Variants in PTCHD4 observed in about 807,000 individuals in gnomAD.
The protein encoded by PTCHD4 is patched domain containing 4, also known as patched domain-containing protein 4.
In PTCHD4, 33 loss-of-function variants were observed where a neutral mutation model predicts 58.1. The ratio of observed to expected loss-of-function variants is 0.57; its 90% confidence interval spans 0.43 to 0.76. The LOEUF (loss-of-function observed/expected upper bound fraction) is 0.76, where lower values mean the gene tolerates loss of function less well. Among genes scored for constraint, PTCHD4 ranks in the 30% least tolerant of loss-of-function variants. PTCHD4 has a pLI of 0.00. For synonymous variants in PTCHD4, 478 were observed against 409.6 expected (o/e 1.17, Z -2.02); for missense variants, 1,058 against 1,027.1 (o/e 1.03, Z -0.41).
chr6:47,878,822 C>A lies in PTCHD4; in HGVS notation c.2013G>T (p.Leu671=), dbSNP rs758403554. Residue 671 remains leucine (L), a synonymous_variant, in exon 5 of 5, where the codon CTG becomes CTT. Transcript: ENST00000339488. ...AGFGVLLVLI[L]TFFLVIHPLG... ...GAGGGTGGATCACTAGGAAAAAAGT[C>A]AGGATTAACACCAGGAGAACACCAA... 6.2e-7 allele frequency: 1 copy of A among 1,613,492 alleles called. No homozygotes were observed. Among genetic ancestry groups the A allele is most frequent in the African/African-American group, 1.3e-5 (1 of 74,868 alleles).
At chr6:48,004,004 A>G (rs1366861469) in intron 4 of PTCHD4, among the ~76,000 whole-genome samples, 4 of 151,982 alleles carry the variant, frequency 2.6e-5, no homozygotes, top group African/African-American at 9.7e-5. Flanking sequence ...TATTTGTTTT[A>G]TTTATATCAC....
chr6:48,023,510 C>G (rs992621522), intron 3 of PTCHD4, among the ~76,000 whole-genome samples: 1 of 152,262 alleles, frequency 6.6e-6, no homozygotes, highest in African/African-American at 2.4e-5. Flanking sequence ...TAACTGCCAC[C>G]ACTACATAAG....
At chr6:48,104,522 G>A (rs1017934369) in intron 1 of PTCHD4, among the ~76,000 whole-genome samples, 16 of 152,196 alleles carry the variant, frequency 1.1e-4, no homozygotes, top group African/African-American at 3.6e-4. Context: ...GACCATCAAG[G>A]CTAGGAAGAA....
At chr6:48,016,842 AT>A in intron 3 of PTCHD4, among the ~76,000 whole-genome samples, 1 of 150,592 alleles carries the variant, frequency 6.6e-6, no homozygotes, top group Admixed American at 6.6e-5. Context: ...AAATTACTTG[AT>A]GATGGTTTGA....
chr6:48,090,044 C>A lies in PTCHD4; in HGVS notation c.-969-20118G>T, dbSNP rs141799756. 4.7e-3 allele frequency among the ~76,000 whole-genome samples: 717 copies of A among 152,212 alleles called. 1 individual carries two copies. Among genetic ancestry groups the A allele is most frequent in the South Asian group, 0.02 (97 of 4,826 alleles). ...ATTTCTCCAGTTTCAGTCCTTATCACTAGATGTAGACTATGCAATATATAT... is the reference window on the plus strand; with the variant it reads ...ATTTCTCCAGTTTCAGTCCTTATCAATAGATGTAGACTATGCAATATATAT... On this transcript the variant is annotated intron_variant, in intron 1 of 4. Transcript: ENST00000339488.
Position 48,055,708 on chromosome 6 carries a change from A to G in PTCHD4, c.417+12522T>C, listed in dbSNP as rs151290374. ...TATGCTCTATCTATAAAAGGGGGTC[A>G]TTAAACTAGTTCAAACCCTGAGCTT... On this transcript the variant is annotated intron_variant, in intron 3 of 4. Coordinates refer to ENST00000339488, the MANE Select transcript of PTCHD4 (RefSeq NM_001384253.1). Among the ~76,000 whole-genome samples the G allele has an allele frequency of 1.5e-4, 23 of 152,364 alleles. No individual in the cohort carries two copies. The East Asian group carries it at 4.4e-3, about 29-fold the overall frequency.
chr6:47,992,910 G>A (rs978549919), intron 4 of PTCHD4, among the ~76,000 whole-genome samples: 1 of 152,140 alleles, frequency 6.6e-6, no homozygotes, highest in Non-Finnish European at 1.5e-5. Flanking sequence ...CATTGTATGA[G>A]ATACAGATAC....
chr6:48,041,685 G>A (rs1763853674), intron 3 of PTCHD4, among the ~76,000 whole-genome samples: 1 of 151,910 alleles, frequency 6.6e-6, no homozygotes, highest in South Asian at 2.1e-4. Flanking sequence ...AAAACTAGTA[G>A]CCCCCTTACT....
intron 3 of PTCHD4, among the ~76,000 whole-genome samples, chr6:48,014,897 G>A (rs931468043): frequency 6.6e-6 from 1 of 152,126 alleles, no homozygotes; most frequent in Non-Finnish European, 1.5e-5. Flanking sequence ...TCCTAGGGGA[G>A]CGATTTCAGG....
At chr6:47,966,659 T>C (rs2113979566) in intron 4 of PTCHD4, among the ~76,000 whole-genome samples, 1 of 152,342 alleles carries the variant, frequency 6.6e-6, no homozygotes. Context: ...ATTTATGTAA[T>C]ATTCTAAATC....
At chr6:48,030,933 A>G (rs77685218) in intron 3 of PTCHD4, among the ~76,000 whole-genome samples, 3,607 of 152,204 alleles carry the variant, frequency 0.024, 124 homozygotes, top group African/African-American at 0.074. Context: ...CCAAAAGGTG[A>G]CTCAGAAAGT....
chr6:47,934,228 C>T (rs945640881), intron 4 of PTCHD4, among the ~76,000 whole-genome samples: 1 of 152,086 alleles, frequency 6.6e-6, no homozygotes, highest in Non-Finnish European at 1.5e-5. Flanking sequence ...TGGATTCAAG[C>T]TGCAGGCGGG....
At chr6:47,981,082 T>C (rs1330357617) in intron 4 of PTCHD4, among the ~76,000 whole-genome samples, 1 of 152,162 alleles carries the variant, frequency 6.6e-6, no homozygotes, top group Admixed American at 6.5e-5. Flanking sequence ...ATCACCTGTC[T>C]TTAGCCTTCA....
Position 47,872,320 on chromosome 6 carries a change from T to A in PTCHD4, c.*5983A>T, listed in dbSNP as rs1763735337. ...TTCTTCAATGCAGTCTTCCAAAGCA[T>A]TAGAATTTTTTTCCCCCTCTGGTTT... is the stretch of plus-strand genomic sequence containing the variant. On this transcript the variant is annotated 3_prime_UTR_variant, in exon 5 of 5. Coordinates refer to ENST00000339488, the MANE Select transcript of PTCHD4 (RefSeq NM_001384253.1). Among the ~76,000 whole-genome samples the A allele has an allele frequency of 6.6e-6, 1 of 151,686 alleles. No homozygotes were observed. The highest frequency in any genetic ancestry group is 2.4e-5 in the African/African-American group (1 of 41,376).
In PTCHD4 at chr6:47,967,483, A is replaced by T. The variant is rs1437740540; in HGVS notation, c.898+41151T>A. Among the ~76,000 whole-genome samples the T allele has an allele frequency of 2.0e-5, 3 of 152,210 alleles. No individual in the cohort carries two copies. In the East Asian group the frequency reaches 5.8e-4, roughly 29 times the overall value. On this transcript the variant is annotated intron_variant, in intron 4 of 4. Coordinates refer to ENST00000339488, the MANE Select transcript of PTCHD4 (RefSeq NM_001384253.1). ...AAAGTCACCAGCAATATCAGCCCTT[A>T]ACACGAGTCAGCCCATCCTTTGAAG...
chr6:47,975,383 C>G (rs1057053862), intron 4 of PTCHD4, among the ~76,000 whole-genome samples: 2 of 151,894 alleles, frequency 1.3e-5, no homozygotes, highest in Non-Finnish European at 2.9e-5. Context: ...TCCTAATCTT[C>G]TTTTTTTTAC....
chr6:48,054,241 T>C (rs1168073071), intron 3 of PTCHD4, among the ~76,000 whole-genome samples: 1 of 152,126 alleles, frequency 6.6e-6, no homozygotes, highest in Non-Finnish European at 1.5e-5. Flanking sequence ...TACTTAGTAA[T>C]AGGATAAGCC....
At chr6:48,110,229 T>C (rs1429966181) in intron 1 of PTCHD4, among the ~76,000 whole-genome samples, 1 of 152,182 alleles carries the variant, frequency 6.6e-6, no homozygotes, top group African/African-American at 2.4e-5. Context: ...AACACATGAA[T>C]GGATTTTAAA....
chr6:48,006,915 C>T (rs983055324), intron 4 of PTCHD4, among the ~76,000 whole-genome samples: 1 of 152,136 alleles, frequency 6.6e-6, no homozygotes, highest in Non-Finnish European at 1.5e-5. Flanking sequence ...ATTATATTCC[C>T]CATTTTATAT....
Sources: allele counts gnomAD v4.1 joint callset (sites outside exome capture counted in the v4.1 genomes callset), GRCh38; gene constraint gnomAD v4.1.1; transcripts MANE v1.5; gene names NCBI Gene and HGNC (gene_info 2026-07-23, HGNC 2026-07-21).